The following AFF3 variants were observed in gnomAD, a reference collection of about 807,000 sequenced individuals.
AFF3 encodes the protein AF4/FMR2 family member 3.
In AFF3, 32 loss-of-function variants were observed where a neutral mutation model predicts 129.7. The ratio of observed to expected loss-of-function variants is 0.25; its 90% CI spans 0.19 to 0.33. The LOEUF is 0.33. Among genes scored for constraint, AFF3 ranks in the 10% least tolerant of loss-of-function variants. AFF3 has a pLI of 1.00. For missense variants in AFF3, 1,373 were observed against 1,592.0 expected, an observed-to-expected ratio of 0.86 and a Z score of 2.34; for synonymous variants, 644 against 635.4, an observed-to-expected ratio of 1.01 and a Z score of -0.20.
chr2:99,672,098 T>C (rs1687192426), intron 12 of AFF3, among the ~76,000 whole-genome samples: 1 of 152,046 alleles, frequency 6.6e-6, no homozygotes, highest in African/African-American at 2.4e-5. Context: ...GACTTCTCAA[T>C]ATTTAATGTT....
chr2:99,933,557 C>G (rs1674246644), intron 7 of AFF3, among the ~76,000 whole-genome samples: 1 of 151,982 alleles, frequency 6.6e-6, no homozygotes, highest in Admixed American at 6.6e-5. Flanking sequence ...CATGTGTTCT[C>G]ATTGTTCAGC....
At chr2:99,752,898 T>C (rs1681778948) in intron 8 of AFF3, among the ~76,000 whole-genome samples, 1 of 152,170 alleles carries the variant, frequency 6.6e-6, no homozygotes. Context: ...TAACATGGAA[T>C]AATTTCTCAT....
chr2:99,724,913 C>T (rs1002514570), intron 11 of AFF3, among the ~76,000 whole-genome samples: 1 of 152,108 alleles, frequency 6.6e-6, no homozygotes, highest in African/African-American at 2.4e-5. Flanking sequence ...TTCAAGCTCC[C>T]ATTGTTTTTA....
At position 99,935,760 on chromosome 2, in the gene AFF3, C is replaced by G. The variant is rs534235521; in HGVS notation, c.873+70872G>C. Reference sequence around the variant, plus strand: ...TTTCTATTTTGGCAGGGTCTGCCCTCAAGAGAAGCTGTGGTTGTTGAGCAT... The same window carrying G: ...TTTCTATTTTGGCAGGGTCTGCCCTGAAGAGAAGCTGTGGTTGTTGAGCAT... On this transcript the variant is annotated intron_variant, in intron 7 of 24. Transcript: ENST00000672756. 5.3e-5 allele frequency among the ~76,000 whole-genome samples: 8 copies of G among 152,308 alleles called. No individual in the cohort carries two copies. In the South Asian group the frequency reaches 1.7e-3, roughly 32 times the overall value.
intron 7 of AFF3, among the ~76,000 whole-genome samples, chr2:99,924,877 A>ATT (rs113424483): frequency 4.8e-5 from 7 of 144,436 alleles, no homozygotes; most frequent in African/African-American, 1.0e-4. Flanking sequence ...TGATTTATTA[A>ATT]TTTTTTTTTT....
chr2:99,616,590 C>T (rs992948065), intron 13 of AFF3, among the ~76,000 whole-genome samples: 3 of 151,990 alleles, frequency 2.0e-5, no homozygotes, highest in African/African-American at 7.3e-5. Flanking sequence ...CCTGTCTCTA[C>T]TAAAAATACA....
chr2:100,130,010 C>T (rs1446302718), intron 1 of AFF3, among the ~76,000 whole-genome samples: 1 of 152,138 alleles, frequency 6.6e-6, no homozygotes, highest in Non-Finnish European at 1.5e-5. Flanking sequence ...TCATAGAATT[C>T]ATATTGTGCA....
chr2:99,997,439 AC>A (rs1254987390), intron 7 of AFF3, among the ~76,000 whole-genome samples: 2 of 150,466 alleles, frequency 1.3e-5, no homozygotes, highest in East Asian at 3.9e-4. Flanking sequence ...ATCCAATCTT[AC>A]CATCTTTGCT....
chr2:99,787,537 A>G (rs1201556720), intron 8 of AFF3, among the ~76,000 whole-genome samples: 1 of 152,236 alleles, frequency 6.6e-6, no homozygotes, highest in Admixed American at 6.5e-5. Flanking sequence ...CCCTTGCCAC[A>G]GACAGCATAC....
intron 7 of AFF3, among the ~76,000 whole-genome samples, chr2:99,892,118 G>T (rs560237202): frequency 1.1e-4 from 17 of 152,116 alleles, no homozygotes; most frequent in African/African-American, 3.9e-4. Flanking sequence ...CACCACACCC[G>T]GCCAAAGCCC....
At chr2:99,748,954 A>G (rs1039186053) in intron 9 of AFF3, among the ~76,000 whole-genome samples, 1 of 152,170 alleles carries the variant, frequency 6.6e-6, no homozygotes, top group African/African-American at 2.4e-5. Flanking sequence ...TAGATTCTAC[A>G]TATAGGTAAT....
intron 8 of AFF3, among the ~76,000 whole-genome samples, chr2:99,758,727 C>A (rs935768948): frequency 6.6e-6 from 1 of 152,008 alleles, no homozygotes; most frequent in African/African-American, 2.4e-5. Flanking sequence ...TCACTTATGC[C>A]CAATCTTTAA....
At chr2:99,860,941 G>A (rs1345052321) in intron 7 of AFF3, among the ~76,000 whole-genome samples, 1 of 152,138 alleles carries the variant, frequency 6.6e-6, no homozygotes, top group Admixed American at 6.5e-5. Context: ...CAAGTAAGCA[G>A]TGCAGCATTA....
At chr2:99,883,147 G>C (rs1202166866) in intron 7 of AFF3, among the ~76,000 whole-genome samples, 1 of 152,164 alleles carries the variant, frequency 6.6e-6, no homozygotes, top group Non-Finnish European at 1.5e-5. Context: ...GCAACCCAGG[G>C]AAGGGATGGT....
At chr2:99,569,294 A>G (rs1676266447) in intron 18 of AFF3, among the ~76,000 whole-genome samples, 1 of 152,252 alleles carries the variant, frequency 6.6e-6, no homozygotes, top group South Asian at 2.1e-4. Flanking sequence ...TATACCTCAT[A>G]ATAATTGTAT....
chr2:100,119,394 T>C (rs10199628), intron 2 of AFF3, among the ~76,000 whole-genome samples: 19,171 of 152,188 alleles, frequency 0.13, 1,410 homozygotes, highest in Non-Finnish European at 0.15. Flanking sequence ...GTTGGGCATT[T>C]GAAAGCATGC....
At chr2:99,811,187 T>G (rs928568285) in intron 8 of AFF3, among the ~76,000 whole-genome samples, 1 of 152,202 alleles carries the variant, frequency 6.6e-6, no homozygotes, top group African/African-American at 2.4e-5. Flanking sequence ...ATTCATTCTA[T>G]GGGTACAACT....
chr2:99,845,203 G>A (rs1324108730), intron 7 of AFF3, among the ~76,000 whole-genome samples: 1 of 152,128 alleles, frequency 6.6e-6, no homozygotes, highest in African/African-American at 2.4e-5. Flanking sequence ...ATTGGTACCT[G>A]TAAATTAGAG....
intron 15 of AFF3, among the ~76,000 whole-genome samples, chr2:99,587,852 T>C (rs1249657010): frequency 6.6e-6 from 1 of 151,562 alleles, no homozygotes; most frequent in Non-Finnish European, 1.5e-5. Flanking sequence ...TCTACTAAAA[T>C]ACAAAAAATT....
Sources: allele counts gnomAD v4.1 joint callset (sites outside exome capture counted in the v4.1 genomes callset), GRCh38; gene constraint gnomAD v4.1.1; transcripts MANE v1.5; gene names NCBI Gene and HGNC (gene_info 2026-07-23, HGNC 2026-07-21).